Variants in L3MBTL4 observed in about 807,000 individuals in gnomAD.
L3MBTL4 encodes the protein L3MBTL histone methyl-lysine binding protein 4.
A neutral mutation model predicts 84.5 loss-of-function variants in L3MBTL4; 70 were observed. The observed-to-expected ratio is 0.83, with a 90% CI of 0.68 to 1.01. The LOEUF is 1.01. L3MBTL4 is among the 50% of genes least tolerant of loss of function. The pLI, the probability that L3MBTL4 is intolerant of heterozygous loss-of-function variation, is 0.00. For synonymous variants in L3MBTL4, 274 were observed against 259.8 expected (o/e 1.05, Z -0.52); for missense variants, 715 against 754.8 (o/e 0.95, Z 0.62).
chr18:6,139,562 A>C (rs145329941), intron 13 of L3MBTL4, among the ~76,000 whole-genome samples: 1 of 152,064 alleles, frequency 6.6e-6, no homozygotes, highest in Non-Finnish European at 1.5e-5. Flanking sequence ...AGTTCCTGGA[A>C]CGTCCCATCC....
intron 1 of L3MBTL4, among the ~76,000 whole-genome samples, chr18:6,409,369 C>T (rs1043457184): frequency 3.3e-5 from 5 of 152,124 alleles, no homozygotes; most frequent in Non-Finnish European, 5.9e-5. Context: ...AAAGAAGGAA[C>T]GATGAAAATT....
intron 5 of L3MBTL4, among the ~76,000 whole-genome samples, chr18:6,252,341 C>G (rs1273389001): frequency 6.6e-6 from 1 of 152,160 alleles, no homozygotes; most frequent in Non-Finnish European, 1.5e-5. Flanking sequence ...AGACACATCA[C>G]TGCATCTGCC....
intron 13 of L3MBTL4, among the ~76,000 whole-genome samples, chr18:6,154,970 A>G (rs1227224401): frequency 6.6e-6 from 1 of 152,244 alleles, no homozygotes; most frequent in Non-Finnish European, 1.5e-5. Flanking sequence ...TGTTCTTGTC[A>G]ATCTAAAAAA....
At chr18:6,202,987 A>C (rs939009298) in intron 12 of L3MBTL4, among the ~76,000 whole-genome samples, 2 of 152,238 alleles carry the variant, frequency 1.3e-5, no homozygotes, top group African/African-American at 4.8e-5. Context: ...AGACATTCTC[A>C]GCCCAGGCAT....
chr18:5,994,215 A>C (rs1391338322), intron 16 of L3MBTL4, among the ~76,000 whole-genome samples: 1 of 152,130 alleles, frequency 6.6e-6, no homozygotes, highest in Admixed American at 6.5e-5. Flanking sequence ...CCTGTCACCA[A>C]AGTGCCTCTA....
chr18:6,326,583 C>A (rs1480144160), intron 1 of L3MBTL4: 2 of 152,206 alleles, frequency 1.3e-5, no homozygotes, highest in African/African-American at 4.8e-5. Context: ...CCTAAGTCTT[C>A]TCTCATAATT....
intron 14 of L3MBTL4, among the ~76,000 whole-genome samples, 153 bp downstream of exon 14, chr18:6,138,041 G>A (rs887994003): frequency 6.6e-6 from 1 of 152,172 alleles, no homozygotes; most frequent in East Asian, 1.9e-4. Context: ...GCAGGCAGAG[G>A]AAAATGTCAA....
intron 1 of L3MBTL4, among the ~76,000 whole-genome samples, chr18:6,384,057 C>G (rs761914080): frequency 7.2e-5 from 11 of 152,120 alleles, no homozygotes; most frequent in Non-Finnish European, 1.0e-4. Flanking sequence ...TTTTTAGAAA[C>G]AGCTTCCTTT....
intron 16 of L3MBTL4, among the ~76,000 whole-genome samples, chr18:6,078,606 C>T (rs1447200858): frequency 2.0e-5 from 3 of 151,940 alleles, no homozygotes; most frequent in Admixed American, 6.6e-5. Context: ...AGAACGAAAG[C>T]AAATATGCTT....
rs1482439543 is a variant in L3MBTL4 at position 6,191,914 on chromosome 18, CA to C, written c.982-19973del. Among the ~76,000 whole-genome samples the C allele has an allele frequency of 2.0e-5, 3 of 151,672 alleles. No individual in the cohort carries two copies. The East Asian group carries it at 5.8e-4, about 29-fold the overall frequency. ...CAGAGGTGGGAAGATCACTTGAGCCCAGGAGTTTGGGGCTGCAGTGAGCTAG... is the reference window on the plus strand; with the variant it reads ...CAGAGGTGGGAAGATCACTTGAGCCCGGAGTTTGGGGCTGCAGTGAGCTAG... On this transcript the variant is annotated intron_variant, in intron 12 of 18. Coordinates refer to ENST00000317931, the MANE Select transcript of L3MBTL4 (RefSeq NM_001330559.2).
intron 10 of L3MBTL4, among the ~76,000 whole-genome samples, chr18:6,237,455 T>TC (rs1381874664): frequency 7.5e-6 from 1 of 133,786 alleles, no homozygotes; most frequent in East Asian, 2.1e-4. Flanking sequence ...CTTTTTTTTT[T>TC]TTTTTTTTTT....
At chr18:6,002,356 T>C (rs1429289325) in intron 16 of L3MBTL4, among the ~76,000 whole-genome samples, 32 of 152,146 alleles carry the variant, frequency 2.1e-4, no homozygotes, top group Admixed American at 2.1e-3. Context: ...CATATGAGAA[T>C]ATAAAGTTCT....
rs572010997 is a variant in L3MBTL4 at position 6,364,555 on chromosome 18, A to G, written c.-91+50246T>C. On this transcript the variant is annotated intron_variant, in intron 1 of 18. Coordinates refer to ENST00000317931, the MANE Select transcript of L3MBTL4 (RefSeq NM_001330559.2). ...AAGCTTTATTGTTACCTCCGAAGTA[A>G]AAGAGTCACTGGTAACATTTCTTTT... is the stretch of plus-strand genomic sequence containing the variant. Among the ~76,000 whole-genome samples, 6 of 152,252 alleles carry G rather than the reference A, an allele frequency of 3.9e-5. No homozygotes were observed. In the South Asian group the frequency reaches 1.2e-3, roughly 32 times the overall value.
chr18:6,184,715 T>C (rs896714176), intron 12 of L3MBTL4, among the ~76,000 whole-genome samples: 1 of 152,116 alleles, frequency 6.6e-6, no homozygotes, highest in Non-Finnish European at 1.5e-5. Context: ...GATCCAGCCA[T>C]ATTGAGGATG....
At chr18:6,087,110 A>G (rs1397237416) in intron 15 of L3MBTL4, among the ~76,000 whole-genome samples, 4 of 152,218 alleles carry the variant, frequency 2.6e-5, no homozygotes, top group Admixed American at 6.5e-5. Context: ...CTCTATCACT[A>G]GAGTTTGGAA....
intron 17 of L3MBTL4, among the ~76,000 whole-genome samples, chr18:5,962,326 C>T (rs189890816): frequency 3.9e-5 from 6 of 151,984 alleles, no homozygotes; most frequent in Admixed American, 6.6e-5. Context: ...GGTGGATGTA[C>T]GGGGAAGAAA....
intron 14 of L3MBTL4, among the ~76,000 whole-genome samples, chr18:6,113,221 A>T (rs1161650620): frequency 2.0e-5 from 3 of 152,184 alleles, no homozygotes; most frequent in African/African-American, 7.2e-5. Context: ...AGTCTTGGGA[A>T]AAACAAAGAT....
chr18:6,069,865 T>C (rs1000407223), intron 16 of L3MBTL4, among the ~76,000 whole-genome samples: 7 of 152,212 alleles, frequency 4.6e-5, no homozygotes, highest in Non-Finnish European at 1.0e-4. Flanking sequence ...AACTAAGGTC[T>C]ATTAAAATCA....
rs73941336 is a variant in L3MBTL4 at position 6,364,030 on chromosome 18, A to T, written c.-91+50771T>A. Among the ~76,000 whole-genome samples the T allele has an allele frequency of 6.4e-3, 975 of 152,182 alleles. 8 individuals carry two copies. The highest frequency in any genetic ancestry group is 0.022 in the African/African-American group (908 of 41,532). ...CCAAGGGCTCCTGGGGGTCTCTATGATATTTTTAAGGGGTCCTCGACATCC... is the reference window on the plus strand; with the variant it reads ...CCAAGGGCTCCTGGGGGTCTCTATGTTATTTTTAAGGGGTCCTCGACATCC... On this transcript the variant is annotated intron_variant, in intron 1 of 18. Coordinates refer to ENST00000317931, the MANE Select transcript of L3MBTL4 (RefSeq NM_001330559.2).
Sources: gnomAD v4.1 joint callset for allele counts (sites outside exome capture counted in the v4.1 genomes callset) on GRCh38, gnomAD v4.1.1 for gene constraint, MANE v1.5 for transcripts, NCBI Gene and HGNC (gene_info 2026-07-23, HGNC 2026-07-21) for gene names.